The following TRMU variants were observed in gnomAD, a reference collection of about 807,000 sequenced individuals.
TRMU encodes tRNA mitochondrial 2-thiouridylase.
A neutral mutation model predicts 46.9 loss-of-function variants in TRMU; 49 were observed. The ratio of observed to expected loss-of-function variants is 1.05; its 90% CI spans 0.83 to 1.33. The LOEUF (loss-of-function observed/expected upper bound fraction) is 1.33, where lower values mean the gene tolerates loss of function less well. TRMU is among the 40% of genes most tolerant of loss of function. TRMU has a pLI of 0.00. For synonymous variants in TRMU, 241 were observed against 200.9 expected (o/e 1.20, Z -1.69); for missense variants, 572 against 532.4 (o/e 1.07, Z -0.73).
At chr22:46,341,677 A>G (rs549948962) in intron 2 of TRMU, among the ~76,000 whole-genome samples, 1 of 152,164 alleles carries the variant, frequency 6.6e-6, no homozygotes, top group East Asian at 1.9e-4. Flanking sequence ...TAGGCATCAT[A>G]ACCCTCTTGA....
intron 3 of TRMU, among the ~76,000 whole-genome samples, chr22:46,345,018 G>A (rs1335433062): frequency 6.6e-6 from 1 of 152,132 alleles, no homozygotes. Context: ...GGTCCAGGAT[G>A]GAATCCATTT....
At chr22:46,354,476 C>T in intron 8 of TRMU, 1 of 158,568 alleles carries the variant, frequency 6.3e-6, no homozygotes, top group Non-Finnish European at 1.4e-5. Flanking sequence ...TTGCCGTGTT[C>T]AGCACAGCCT....
chr22:46,356,775 C>T, intron 10 of TRMU, 67 bp from the exon 11 acceptor site: 1 of 1,593,624 alleles, frequency 6.3e-7, no homozygotes, highest in Non-Finnish European at 8.6e-7. Context: ...TAGGGGAGCA[C>T]TCTGCCCCTG....
rs777366721 is a variant in TRMU at position 46,354,470 on chromosome 22, C to T, written c.873+603C>T. The T allele has an allele frequency of 3.8e-5, 6 of 159,960 alleles. No individual in the cohort carries two copies. In the South Asian group the frequency reaches 7.3e-4, roughly 20 times the overall value. The allele number at this position is 159,960 out of a possible 1,614,324, so 9.9% of individuals were successfully genotyped here. A position where few individuals can be genotyped will look rare whatever the true frequency, so the allele number is the denominator to read the frequency against. On this transcript the variant is annotated intron_variant, in intron 8 of 10. Transcript: ENST00000645190. Reference sequence around the variant, plus strand: ...GGGTCAGGCCGGGGATGCTGCTTGCCGTGTTCAGCACAGCCTCTTCCCTGA... The same window carrying T: ...GGGTCAGGCCGGGGATGCTGCTTGCTGTGTTCAGCACAGCCTCTTCCCTGA...
rs909068175 is a variant in TRMU, at chr22:46,350,985, C to A, written c.651+522C>A. On this transcript the variant is annotated intron_variant, in intron 5 of 10. Coordinates refer to ENST00000645190, the MANE Select transcript of TRMU (RefSeq NM_018006.5). This position sits in a 1 kb window ranked among gnomAD's most constrained non-coding sequence, Gnocchi z 4.6. ...CCCGCCCGCGAGTGGGGGACACAGG[C>A]AGGAGGCCAATCAGTGTAAACCTAG... Among the ~76,000 whole-genome samples the A allele has an allele frequency of 6.6e-6, 1 of 152,208 alleles. No individual in the cohort carries two copies. The highest frequency in any genetic ancestry group is 1.5e-5 in the Non-Finnish European group (1 of 68,038).
intron 8 of TRMU, 109 bp downstream of exon 8, chr22:46,353,976 C>A: frequency 1.0e-6 from 1 of 953,942 alleles, no homozygotes; most frequent in Non-Finnish European, 1.7e-6. Flanking sequence ...TTCCTGGAGG[C>A]TGTGACTAAC....
At position 46,342,088 on chromosome 22, in the gene TRMU, C is replaced by T. The variant is rs1436815172; in HGVS notation, c.249-1174C>T. Among the ~76,000 whole-genome samples the T allele has an allele frequency of 6.6e-6, 1 of 152,178 alleles. No individual in the cohort carries two copies. Among genetic ancestry groups the T allele is most frequent in the Non-Finnish European group, 1.5e-5 (1 of 68,034 alleles). On this transcript the variant is annotated intron_variant, in intron 2 of 10. Coordinates refer to ENST00000645190, the MANE Select transcript of TRMU (RefSeq NM_018006.5). The surrounding 1 kb of genome is among the most constrained non-coding windows in gnomAD (Gnocchi z 4.7). ...GTGTCCTCTGATTCAGTTCCGATAC[C>T]ATCTACTTGGAGATAGTGCTGGATC... is the stretch of plus-strand genomic sequence containing the variant.
In TRMU at chr22:46,355,529, C is replaced by T. The variant is rs201753853; in HGVS notation, c.959C>T (p.Ala320Val). 2.5e-6 allele frequency: 4 copies of T among 1,613,290 alleles called. No individual in the cohort carries two copies. In the African/African-American group the frequency reaches 4.0e-5, roughly 16 times the overall value. ...VHWIAEEPPAALVRDKMMECH... is the reference protein window; with the variant it reads ...VHWIAEEPPAVLVRDKMMECH... Reference sequence around the variant, plus strand: ...TGGATTGCGGAGGAGCCTCCCGCAGCACTGGTCCGGGACAAGATGATGGAG... The same window carrying T: ...TGGATTGCGGAGGAGCCTCCCGCAGTACTGGTCCGGGACAAGATGATGGAG... The change falls in exon 9 of 11, where the codon GCA (alanine) becomes GTA (valine). Residue 320 changes from alanine to valine, a missense_variant. Ala to Val is a moderately conservative substitution (Grantham distance 64). Coordinates refer to ENST00000645190, the MANE Select transcript of TRMU (RefSeq NM_018006.5).
In TRMU at chr22:46,335,741, C is replaced by G. The variant is rs2077951219; in HGVS notation, c.-24C>G. On this transcript the variant is annotated 5_prime_UTR_variant, in exon 1 of 11. Coordinates refer to ENST00000645190, the MANE Select transcript of TRMU (RefSeq NM_018006.5). Reference sequence around the variant, plus strand: ...GGCGCGGAAGCGGCGGTAGCTGCAGCTGGCGAAGTTGGGCGACTGGCGGAT... The same window carrying G: ...GGCGCGGAAGCGGCGGTAGCTGCAGGTGGCGAAGTTGGGCGACTGGCGGAT... 6.5e-7 allele frequency: 1 copy of G among 1,544,646 alleles called. No individual in the cohort carries two copies. The highest frequency in any genetic ancestry group is 1.4e-5 in the African/African-American group (1 of 72,958).
chr22:46,336,083 T>TCCACCCACGCGCGC lies in TRMU; in HGVS notation c.82+246_82+259dup, dbSNP rs1159041507. On this transcript the variant is annotated intron_variant, in intron 1 of 10. Transcript: ENST00000645190. The surrounding 1 kb of genome is among the most constrained non-coding windows in gnomAD (Gnocchi z 4.1). Reference sequence around the variant, plus strand: ...ACCTGGGAGCAGTTCCGCGCCCCTCTCCACCCACGCGCGCCCACCCACAGT... The same window carrying TCCACCCACGCGCGC: ...ACCTGGGAGCAGTTCCGCGCCCCTCTCCACCCACGCGCGCCCACCCACGCGCGCCCACCCACAGT... The TCCACCCACGCGCGC allele has an allele frequency of 1.5e-6, 2 of 1,369,218 alleles. No homozygotes were observed. The highest frequency in any genetic ancestry group is 3.3e-5 in the Admixed American group (1 of 29,968). The allele number at this position is 1,369,218 out of a possible 1,614,324, so 84.8% of individuals were successfully genotyped here.
Position 46,346,372 on chromosome 22 carries a change from C to T in TRMU, c.356-50C>T, listed in dbSNP as rs200360085. ...TGCCTTGGTTTATGCTGATCAAGGC[C>T]TGCAAGTATGAGTCTAAAACCTGAT... On this transcript the variant is annotated intron_variant, in intron 3 of 10. Coordinates refer to ENST00000645190, the MANE Select transcript of TRMU (RefSeq NM_018006.5). 3.1e-6 allele frequency: 5 copies of T among 1,597,566 alleles called. No homozygotes were observed. In the South Asian group the frequency reaches 3.3e-5, roughly 11 times the overall value.
chr22:46,337,830 A>G lies in TRMU; in HGVS notation c.134A>G (p.His45Arg), dbSNP rs372279779. 2 of 1,614,250 alleles carry G rather than the reference A, an allele frequency of 1.2e-6. No homozygotes were observed. The highest frequency in any genetic ancestry group is 1.7e-6 in the Non-Finnish European group (2 of 1,180,048). Residue 45 changes from histidine (H) to arginine (R), a missense_variant, in exon 2 of 11, where the codon CAT becomes CGT. By Grantham distance (29) the His-to-Arg change is conservative (BLOSUM62 0). Transcript: ENST00000645190. ...FMKNWDSLDE[H>R]GVCTADKDCE... is the part of the protein sequence containing the mutation. ...AAGAACTGGGACTCACTGGATGAAC[A>G]TGGGGTCTGTACTGCCGACAAAGAC...
At chr22:46,352,398 C>T in intron 7 of TRMU, 68 bp downstream of exon 7, 5 of 1,555,034 alleles carry the variant, frequency 3.2e-6, no homozygotes, top group Admixed American at 1.7e-5. Flanking sequence ...CTCTGGGAGA[C>T]TAGACCAGAG....
chr22:46,353,897 G>A (rs2078514946), intron 8 of TRMU, 30 bp downstream of exon 8: 2 of 1,606,394 alleles, frequency 1.2e-6, no homozygotes, highest in Non-Finnish European at 8.5e-7. Flanking sequence ...AGACAGCACT[G>A]GGGCTGGTTC....
chr22:46,340,964 G>A lies in TRMU; in HGVS notation c.249-2298G>A, dbSNP rs368746749. Among the ~76,000 whole-genome samples, 65 of 152,346 alleles carry A rather than the reference G, an allele frequency of 4.3e-4. No homozygotes were observed. The South Asian group carries it at 0.011, about 25-fold the overall frequency. On this transcript the variant is annotated intron_variant, in intron 2 of 10. Coordinates refer to ENST00000645190, the MANE Select transcript of TRMU (RefSeq NM_018006.5). The stretch of plus-strand genomic sequence containing the variant: ...TGCCCGTGGAGGCATTGGTCTTTCC[G>A]CTGAAGACTCACTTCTCTAGTAGGG...
chr22:46,351,868 C>T lies in TRMU; in HGVS notation c.652-253C>T, dbSNP rs917924568. The T allele has an allele frequency of 6.8e-6, 4 of 587,342 alleles. No homozygotes were observed. The highest frequency in any genetic ancestry group is 5.6e-5 in the African/African-American group (3 of 53,724). 36.4% of individuals were successfully genotyped at this position (587,342 alleles called of 1,614,324 possible). A position where few individuals can be genotyped will look rare whatever the true frequency, so the allele number is the denominator to read the frequency against. On this transcript the variant is annotated intron_variant, in intron 5 of 10. Coordinates refer to ENST00000645190, the MANE Select transcript of TRMU (RefSeq NM_018006.5). The surrounding 1 kb of genome is among the most constrained non-coding windows in gnomAD (Gnocchi z 6.4). Reference sequence around the variant, plus strand: ...CCGGGTTCTGCTTTCTTCCCCGGGGCAGCTGGTGTGAGGGTCTCCCGCGCA... The same window carrying T: ...CCGGGTTCTGCTTTCTTCCCCGGGGTAGCTGGTGTGAGGGTCTCCCGCGCA...
chr22:46,354,254 G>T, intron 8 of TRMU: 1 of 301,130 alleles, frequency 3.3e-6, no homozygotes, highest in Non-Finnish European at 6.5e-6. Context: ...AGGTGCAGAT[G>T]GCCAAGCCAG....
intron 7 of TRMU, 93 bp from the exon 8 acceptor site, chr22:46,353,674 G>A: frequency 8.5e-7 from 1 of 1,173,582 alleles, no homozygotes. Flanking sequence ...GGCCTGCTCT[G>A]GGCTGCCCTC....
At chr22:46,345,618 G>A (rs900189435) in intron 3 of TRMU, among the ~76,000 whole-genome samples, 1 of 152,146 alleles carries the variant, frequency 6.6e-6, no homozygotes, top group Non-Finnish European at 1.5e-5. Flanking sequence ...AGTAAAAACC[G>A]TGGAATCATG....
Sources: gnomAD v4.1 joint callset for allele counts (sites outside exome capture counted in the v4.1 genomes callset) on GRCh38, gnomAD v4.1.1 for gene constraint, Gnocchi (gnomAD v3.1) non-coding constraint, MANE v1.5 for transcripts, NCBI Gene and HGNC (gene_info 2026-07-23, HGNC 2026-07-21) for gene names.